SUPT3H: variants seen among roughly 807,000 people sequenced by gnomAD.
The protein encoded by SUPT3H is SPT3 homolog, SAGA and STAGA complex component.
SUPT3H carries 44 observed loss-of-function variants against 44.3 expected under a neutral mutation model. The ratio of observed to expected loss-of-function variants is 0.99; its 90% CI spans 0.78 to 1.28. The LOEUF (loss-of-function observed/expected upper bound fraction) is 1.28. Ranked by LOEUF, SUPT3H falls within the 50% of genes most tolerant of loss-of-function variation. The probability of loss-of-function intolerance (pLI) is 0.00; values close to 1 mark genes in which losing one functional copy is unlikely to be tolerated. For missense variants in SUPT3H, 380 were observed against 387.1 expected, an observed-to-expected ratio of 0.98 and a Z score of 0.15; for synonymous variants, 124 against 125.6, an observed-to-expected ratio of 0.99 and a Z score of 0.09.
At chr6:44,819,861 AT>A (rs1184144069) in intron 11 of SUPT3H, among the ~76,000 whole-genome samples, 1 of 152,196 alleles carries the variant, frequency 6.6e-6, no homozygotes, top group African/African-American at 2.4e-5. Context: ...ATAATACATG[AT>A]TTTTTAAATA....
intron 3 of SUPT3H, among the ~76,000 whole-genome samples, chr6:45,091,401 A>T (rs955314746): frequency 2.0e-5 from 3 of 152,038 alleles, no homozygotes; most frequent in Non-Finnish European, 4.4e-5. Flanking sequence ...CTTACTGCAG[A>T]GAACCACAGA....
At chr6:44,900,010 T>C (rs187577037) in intron 10 of SUPT3H, among the ~76,000 whole-genome samples, 274 of 152,366 alleles carry the variant, frequency 1.8e-3, no homozygotes, top group African/African-American at 6.4e-3. Context: ...GCACTAGTTA[T>C]GTTTCTCAAA....
At chr6:44,928,470 G>A (rs867177854) in intron 10 of SUPT3H, among the ~76,000 whole-genome samples, 8 of 152,092 alleles carry the variant, frequency 5.3e-5, no homozygotes, top group South Asian at 4.1e-4. Flanking sequence ...GCTAGGGGTT[G>A]GAAGGCCTGA....
At chr6:45,034,256 A>T (rs1787361640) in intron 3 of SUPT3H, among the ~76,000 whole-genome samples, 1 of 151,982 alleles carries the variant, frequency 6.6e-6, no homozygotes, top group African/African-American at 2.4e-5. Context: ...AGCCCACCTG[A>T]TAGGGATACA....
chr6:45,262,535 T>TA (rs1291551361), intron 2 of SUPT3H, among the ~76,000 whole-genome samples: 15 of 152,130 alleles, frequency 9.9e-5, no homozygotes, highest in Non-Finnish European at 2.2e-4. Flanking sequence ...GACTTAGATG[T>TA]AAGACCTAAA....
At chr6:45,092,209 A>C (rs1020471217) in intron 3 of SUPT3H, among the ~76,000 whole-genome samples, 3 of 152,086 alleles carry the variant, frequency 2.0e-5, no homozygotes, top group African/African-American at 7.2e-5. Context: ...TCTACTGCAA[A>C]AAAAACCCAA....
chr6:45,120,300 A>G (rs1801430463), intron 2 of SUPT3H, among the ~76,000 whole-genome samples: 1 of 151,302 alleles, frequency 6.6e-6, no homozygotes, highest in Non-Finnish European at 1.5e-5. Context: ...AAAAGACTAT[A>G]TAGGCTAGGC....
intron 2 of SUPT3H, among the ~76,000 whole-genome samples, chr6:45,152,693 T>C (rs1260590601): frequency 1.3e-5 from 2 of 152,072 alleles, no homozygotes; most frequent in East Asian, 1.9e-4. Flanking sequence ...GTTTTCACCA[T>C]GTTGGCCAGG....
In SUPT3H at chr6:45,085,041, C is replaced by T. The variant is rs922388257; in HGVS notation, c.186+20881G>A. Among the ~76,000 whole-genome samples the T allele has an allele frequency of 3.9e-5, 6 of 152,042 alleles. 1 individual carries two copies. Among genetic ancestry groups the T allele is most frequent in the African/African-American group, 1.4e-4 (6 of 41,392 alleles). Reference sequence around the variant, plus strand: ...TAACACCCTGGGGGATGGGATCCTTCATATCCCAAACCTCAGTGTCACTCA... The same window carrying T: ...TAACACCCTGGGGGATGGGATCCTTTATATCCCAAACCTCAGTGTCACTCA... On this transcript the variant is annotated intron_variant, in intron 3 of 10. Transcript: ENST00000371459.
chr6:45,056,078 T>C (rs868849487), intron 3 of SUPT3H, among the ~76,000 whole-genome samples: 1 of 152,080 alleles, frequency 6.6e-6, no homozygotes, highest in Middle Eastern at 3.4e-3. Context: ...GAAAAAAATG[T>C]TCAACATCAC....
intron 2 of SUPT3H, among the ~76,000 whole-genome samples, chr6:45,125,924 T>C (rs1802366413): frequency 6.6e-6 from 1 of 152,194 alleles, no homozygotes; most frequent in Admixed American, 6.5e-5. Flanking sequence ...TTTTCAGTTA[T>C]TCGTATCCCA....
chr6:44,930,984 G>A (rs963292137), intron 10 of SUPT3H, among the ~76,000 whole-genome samples: 1 of 152,078 alleles, frequency 6.6e-6, no homozygotes, highest in Admixed American at 6.6e-5. Flanking sequence ...GTTGGACATG[G>A]GGGAAAAGAT....
intron 10 of SUPT3H, among the ~76,000 whole-genome samples, chr6:44,909,964 G>A (rs977837845): frequency 1.3e-5 from 2 of 152,158 alleles, no homozygotes; most frequent in Non-Finnish European, 2.9e-5. Flanking sequence ...GTAGCATAGC[G>A]CTTTTGGAAA....
chr6:45,034,862 G>A (rs1787453378), intron 3 of SUPT3H, among the ~76,000 whole-genome samples: 1 of 152,026 alleles, frequency 6.6e-6, no homozygotes, highest in Admixed American at 6.6e-5. Flanking sequence ...GACAAAAATG[G>A]GATTTGAACA....
intron 3 of SUPT3H, among the ~76,000 whole-genome samples, chr6:45,036,702 G>GA (rs1175439511): frequency 6.6e-6 from 1 of 152,156 alleles, no homozygotes; most frequent in African/African-American, 2.4e-5. Flanking sequence ...TGTGAAGGTA[G>GA]ATTAAGGTAG....
chr6:45,084,301 A>G (rs191032365), intron 3 of SUPT3H, among the ~76,000 whole-genome samples: 9 of 152,324 alleles, frequency 5.9e-5, no homozygotes, highest in Admixed American at 1.3e-4. Flanking sequence ...ACAAGCAAGA[A>G]ACAAATGATC....
chr6:45,071,057 C>T (rs1198028876), intron 3 of SUPT3H, among the ~76,000 whole-genome samples: 1 of 151,980 alleles, frequency 6.6e-6, no homozygotes, highest in African/African-American at 2.4e-5. Flanking sequence ...AAAGATGTTT[C>T]CCATATTTTG....
At position 45,221,691 on chromosome 6, in the gene SUPT3H, A is replaced by G. The variant is rs188402564; in HGVS notation, c.102-115685T>C. Among the ~76,000 whole-genome samples, 21 of 152,284 alleles carry G rather than the reference A, an allele frequency of 1.4e-4. No homozygotes were observed. The East Asian group carries it at 3.7e-3, about 27-fold the overall frequency. The stretch of plus-strand genomic sequence containing the variant: ...ATAAGTTTAATTTAATTCCTATTAT[A>G]ATCCCATCAAGGTTTTTTCTTTTTG... On this transcript the variant is annotated intron_variant, in intron 2 of 10. Transcript: ENST00000371459.
intron 2 of SUPT3H, among the ~76,000 whole-genome samples, chr6:45,330,687 G>A (rs1787292908): frequency 6.6e-6 from 1 of 151,654 alleles, no homozygotes; most frequent in African/African-American, 2.4e-5. Context: ...TCCAAAACTT[G>A]ACAGGATTCT....
Sources: allele counts gnomAD v4.1 joint callset (sites outside exome capture counted in the v4.1 genomes callset), GRCh38; gene constraint gnomAD v4.1.1; transcripts MANE v1.5; gene names NCBI Gene and HGNC (gene_info 2026-07-23, HGNC 2026-07-21).